The following KMO variants were observed in gnomAD, a reference collection of about 807,000 sequenced individuals.
The protein encoded by KMO is kynurenine 3-monooxygenase.
A neutral mutation model predicts 57.8 loss-of-function variants in KMO; 24 were observed. The ratio of observed to expected loss-of-function variants is 0.42; its 90% confidence interval spans 0.30 to 0.58. The LOEUF (loss-of-function observed/expected upper bound fraction) is 0.58, where lower values mean the gene tolerates loss of function less well. Among genes scored for constraint, KMO ranks in the 20% least tolerant of loss-of-function variants. The probability of loss-of-function intolerance (pLI) is 0.22; values close to 1 mark genes in which losing one functional copy is unlikely to be tolerated. For missense variants in KMO, 483 were observed against 588.2 expected (o/e 0.82, Z 1.85); for synonymous variants, 210 against 193.6 (o/e 1.08, Z -0.70).
At chr1:241,569,447 G>A (rs61435062) in intron 10 of KMO, among the ~76,000 whole-genome samples, 2,082 of 152,066 alleles carry the variant, frequency 0.014, 60 homozygotes, top group African/African-American at 0.048. Context: ...TTTCACTAAC[G>A]TCTTCTGGTT....
intron 1 of KMO, among the ~76,000 whole-genome samples, chr1:241,537,766 T>C (rs1660799615): frequency 6.6e-6 from 1 of 152,150 alleles, no homozygotes; most frequent in South Asian, 2.1e-4. Context: ...CTCTCCTTTA[T>C]AAAATCATCA....
chr1:241,562,908 AAGGAAGGAAAGAAG>A (rs1558421385), intron 7 of KMO, among the ~76,000 whole-genome samples: 47 of 53,828 alleles, frequency 8.7e-4, no homozygotes, highest in African/African-American at 3.5e-3. Flanking sequence ...GGAAGGAAGG[AAGGAAGGAAAGAAG>A]GAAGGAAGGA....
chr1:241,584,760 G>A (rs1226248576), intron 10 of KMO, among the ~76,000 whole-genome samples: 3 of 152,128 alleles, frequency 2.0e-5, no homozygotes, highest in Non-Finnish European at 2.9e-5. Flanking sequence ...TCTCCATGAA[G>A]CAGTGGTAAA....
intron 5 of KMO, among the ~76,000 whole-genome samples, chr1:241,560,362 C>T (rs1229369493): frequency 2.0e-5 from 3 of 152,200 alleles, no homozygotes. Context: ...ATATGTGATG[C>T]TTGCTTCTTT....
At chr1:241,567,315 C>A (rs188044568) in intron 9 of KMO, among the ~76,000 whole-genome samples, 1 of 152,296 alleles carries the variant, frequency 6.6e-6, no homozygotes, top group Admixed American at 6.5e-5. Context: ...CTAGCAGATT[C>A]GGTGTCTGGT....
rs760795658 is a variant in KMO, at chr1:241,568,623, G to GT, written c.939dup (p.Gly314TrpfsTer9). The GT allele has an allele frequency of 1.2e-6, 2 of 1,613,440 alleles. No homozygotes were observed. Among genetic ancestry groups the GT allele is most frequent in the African/African-American group, 2.7e-5 (2 of 74,868 alleles). On this transcript the variant is annotated frameshift_variant, in exon 10 of 15. Coordinates refer to ENST00000366559, the MANE Select transcript of KMO (RefSeq NM_003679.5). LOFTEE classifies it high-confidence loss of function. ...GAGATGCAGCTCATGCTATAGTGCC[G>GT]TTTTTTGGGCAAGGAATGAATGCGG... is the stretch of plus-strand genomic sequence containing the variant.
At chr1:241,533,387 T>C (rs868243668) in intron 1 of KMO, among the ~76,000 whole-genome samples, 5 of 152,246 alleles carry the variant, frequency 3.3e-5, no homozygotes, top group Non-Finnish European at 2.9e-5. Flanking sequence ...TGAATATAGA[T>C]GGTATATTTT....
chr1:241,578,743 G>T lies in KMO; in HGVS notation c.958-7936G>T, dbSNP rs188802921. 9.2e-5 allele frequency among the ~76,000 whole-genome samples: 14 copies of T among 152,222 alleles called. No homozygotes were observed. The East Asian group carries it at 2.3e-3, about 25-fold the overall frequency. On this transcript the variant is annotated intron_variant, in intron 10 of 14. Coordinates refer to ENST00000366559, the MANE Select transcript of KMO (RefSeq NM_003679.5). ...GTTAGCCAGGGTGGTGTAGGTAATG[G>T]TGTGTATTAATCTGTTTTCATGCTG...
intron 10 of KMO, among the ~76,000 whole-genome samples, chr1:241,584,743 A>G (rs543678333): frequency 3.9e-5 from 6 of 152,184 alleles, no homozygotes; most frequent in Non-Finnish European, 7.3e-5. Context: ...AATCTAATCA[A>G]TTATATTCTC....
chr1:241,562,862 AGAAGGAAGGAAGGAAGGAAG>A lies in KMO; in HGVS notation c.615+566_615+585del, dbSNP rs1173823057. Among the ~76,000 whole-genome samples, 663 of 104,546 alleles carry A rather than the reference AGAAGGAAGGAAGGAAGGAAG, an allele frequency of 6.3e-3. 6 individuals carry two copies. Among genetic ancestry groups the A allele is most frequent in the African/African-American group, 0.021 (586 of 28,108 alleles). 68.6% of individuals were successfully genotyped at this position (104,546 alleles called of 152,430 possible). A position where few individuals can be genotyped will look rare whatever the true frequency, so the allele number is the denominator to read the frequency against. On this transcript the variant is annotated intron_variant, in intron 7 of 14. Transcript: ENST00000366559. Reference sequence around the variant, plus strand: ...TTGAAAGAAGGAAGGAAGGAAGGAAAGAAGGAAGGAAGGAAGGAAGGAAGGAAGGAAGGAAGGAAGGAAGG... The same window carrying A: ...TTGAAAGAAGGAAGGAAGGAAGGAAAGAAGGAAGGAAGGAAGGAAGGAAGG...
chr1:241,555,893 C>G (rs1421620275), intron 5 of KMO: 8 of 367,758 alleles, frequency 2.2e-5, no homozygotes, highest in Non-Finnish European at 3.9e-5. Flanking sequence ...TGAGACCCGC[C>G]TGGGCAACAT....
At chr1:241,564,679 A>G (rs757536172) in intron 7 of KMO, among the ~76,000 whole-genome samples, 3 of 151,562 alleles carry the variant, frequency 2.0e-5, no homozygotes, top group Non-Finnish European at 4.4e-5. Flanking sequence ...TAATTATACC[A>G]GCTATGATTC....
chr1:241,532,646 A>G (rs780066018), intron 1 of KMO, 148 bp downstream of exon 1: 84 of 580,186 alleles, frequency 1.4e-4, no homozygotes, highest in Non-Finnish European at 2.3e-4. Context: ...TTATTTTTTT[A>G]ATATTTTTAT....
intron 11 of KMO, 98 bp from the exon 12 acceptor site, chr1:241,588,650 G>A (rs1558432629): frequency 1.5e-5 from 11 of 739,368 alleles, no homozygotes; most frequent in Non-Finnish European, 2.3e-5. Context: ...AAAAATTAGC[G>A]AGAGCATTGG....
At chr1:241,554,462 C>T (rs1362073256) in intron 4 of KMO, among the ~76,000 whole-genome samples, 1 of 151,660 alleles carries the variant, frequency 6.6e-6, no homozygotes, top group African/African-American at 2.4e-5. Flanking sequence ...TTAGTAGAGA[C>T]GGGGTTTCGC....
chr1:241,543,044 T>C (rs1172867441), intron 1 of KMO, among the ~76,000 whole-genome samples: 1 of 152,196 alleles, frequency 6.6e-6, no homozygotes, highest in East Asian at 1.9e-4. Flanking sequence ...GTCATATTTA[T>C]ACGAGATCTA....
At chr1:241,556,295 G>A (rs1315332588) in intron 5 of KMO, among the ~76,000 whole-genome samples, 2 of 151,664 alleles carry the variant, frequency 1.3e-5, no homozygotes, top group African/African-American at 2.4e-5. Flanking sequence ...TACCACATAC[G>A]ACCAATTTTT....
At chr1:241,574,735 G>C (rs1238873655) in intron 10 of KMO, among the ~76,000 whole-genome samples, 2 of 151,666 alleles carry the variant, frequency 1.3e-5, no homozygotes. Flanking sequence ...TTCTTTCTTT[G>C]TTATGTCTTC....
intron 6 of KMO, 97 bp from the exon 7 acceptor site, chr1:241,562,070 G>T: frequency 1.0e-6 from 1 of 971,516 alleles, no homozygotes; most frequent in Non-Finnish European, 1.5e-6. Flanking sequence ...AGCTTTCTAA[G>T]TTATCTATGG....
Sources: gnomAD v4.1 joint callset for allele counts (sites outside exome capture counted in the v4.1 genomes callset) on GRCh38, gnomAD v4.1.1 for gene constraint, MANE v1.5 for transcripts, NCBI Gene and HGNC (gene_info 2026-07-23, HGNC 2026-07-21) for gene names.